ESYT1: variants seen among roughly 807,000 people sequenced by gnomAD.
ESYT1 encodes extended synaptotagmin 1, also known as extended synaptotagmin-1.
ESYT1 carries 116 observed loss-of-function variants against 154.2 expected under a neutral mutation model. The observed-to-expected ratio is 0.75, with a 90% CI of 0.65 to 0.88. ESYT1 has a LOEUF of 0.88. Ranked by LOEUF, ESYT1 falls within the 40% of genes least tolerant of loss-of-function variation. The probability of loss-of-function intolerance (pLI) is 0.00; values close to 1 mark genes in which losing one functional copy is unlikely to be tolerated. For missense variants in ESYT1, 1,264 were observed against 1,379.3 expected, an observed-to-expected ratio of 0.92 and a Z score of 1.32; for synonymous variants, 500 against 539.9, an observed-to-expected ratio of 0.93 and a Z score of 1.02.
chr12:56,138,615 A>T, intron 22 of ESYT1, 116 bp downstream of exon 22: 1 of 1,279,258 alleles, frequency 7.8e-7, no homozygotes, highest in Non-Finnish European at 1.1e-6. Context: ...TTCTGAGGGT[A>T]GTGCAGGGGT....
intron 16 of ESYT1, 42 bp from the exon 17 acceptor site, chr12:56,137,176 G>C (rs750511325): frequency 1.2e-6 from 2 of 1,611,040 alleles, no homozygotes; most frequent in South Asian, 1.1e-5. Flanking sequence ...TGCTGGTGAC[G>C]AGCTGCACTT....
chr12:56,128,919 A>G, intron 1 of ESYT1: 2 of 601,976 alleles, frequency 3.3e-6, no homozygotes, highest in Non-Finnish European at 5.8e-6. Flanking sequence ...TCGCATGCCC[A>G]GACTGGATCC....
Position 56,142,418 on chromosome 12 carries a change from A to G in ESYT1, c.2726A>G (p.Gln909Arg). The change falls in exon 25 of 31, where the codon CAG becomes CGG. Residue 909 changes from glutamine (Q) to arginine (R), a missense_variant. Physicochemically the swap from Gln to Arg is conservative, Grantham distance 43. Transcript: ENST00000394048. The surrounding 1 kb of genome is among the most constrained non-coding windows in gnomAD (Gnocchi z 4.1). ...CAGGGGCAGGTGCTACTGAGAGCAC[A>G]GCTAGGGGTGAGTGACAGGAGATGG... is the stretch of plus-strand genomic sequence containing the variant. The part of the protein sequence containing the change: ...SGQGQVLLRA[Q>R]LGILVSQHSG... 6.2e-7 allele frequency: 1 copy of G among 1,612,566 alleles called. No individual in the cohort carries two copies. Among genetic ancestry groups the G allele is most frequent in the Non-Finnish European group, 8.5e-7 (1 of 1,178,946 alleles).
Position 56,128,608 on chromosome 12 carries a change from GAGAA to G in ESYT1, c.294_297del (p.Lys98AsnfsTer24). 6.2e-7 allele frequency: 1 copy of G among 1,614,170 alleles called. No individual in the cohort carries two copies. Among genetic ancestry groups the G allele is most frequent in the Non-Finnish European group, 8.5e-7 (1 of 1,180,006 alleles). ...CCTGGGCTGGCGCCGGGTCCGCGAC[GAGAA>G]AGAACGGAGCCTTCGAGCAGCGAGG... On this transcript the variant is annotated frameshift_variant, in exon 1 of 31. Transcript: ENST00000394048. LOFTEE classifies it high-confidence loss of function.
rs768647640 is a variant in ESYT1 at position 56,142,242 on chromosome 12, G to A, written c.2593-43G>A. 2 of 1,606,956 alleles carry A rather than the reference G, an allele frequency of 1.2e-6. No homozygotes were observed. Among genetic ancestry groups the A allele is most frequent in the Non-Finnish European group, 1.7e-6 (2 of 1,175,268 alleles). ...TTAAAACACCAGGATTAACTCATTT[G>A]TTGATGCATTCGCCTCTTGATCATG... is the stretch of plus-strand genomic sequence containing the variant. On this transcript the variant is annotated intron_variant, in intron 24 of 30. Transcript: ENST00000394048. This position sits in a 1 kb window ranked among gnomAD's most constrained non-coding sequence, Gnocchi z 4.1.
chr12:56,140,521 G>A (rs375757536), intron 24 of ESYT1, among the ~76,000 whole-genome samples: 22 of 151,982 alleles, frequency 1.4e-4, no homozygotes, highest in African/African-American at 4.3e-4. Flanking sequence ...CCGCCACCAC[G>A]CCCAGCTAAT....
chr12:56,134,599 A>AT (rs1194548260), intron 15 of ESYT1, among the ~76,000 whole-genome samples, 171 bp downstream of exon 15: 2 of 150,360 alleles, frequency 1.3e-5, no homozygotes, highest in African/African-American at 4.9e-5. Context: ...CTCCAGAATA[A>AT]TATTTTTTTT....
At chr12:56,136,934 C>T in intron 16 of ESYT1, 41 bp downstream of exon 16, 1 of 1,539,314 alleles carries the variant, frequency 6.5e-7, no homozygotes, top group Non-Finnish European at 8.8e-7. Flanking sequence ...GGGGAAAGGC[C>T]TGTTGATTCT....
Position 56,133,584 on chromosome 12 carries a change from C to T in ESYT1, c.1294-4C>T, listed in dbSNP as rs1289322937. ...GATCTCTACTACATCTCAATTTCTTCTAGTGGTTCCCTCTACAAGGTGGGC... is the reference window on the plus strand; with the variant it reads ...GATCTCTACTACATCTCAATTTCTTTTAGTGGTTCCCTCTACAAGGTGGGC... On this transcript the variant is annotated splice_region_variant and splice_polypyrimidine_tract_variant and intron_variant, in intron 11 of 30. Transcript: ENST00000394048. 6.2e-7 allele frequency: 1 copy of T among 1,614,044 alleles called. No individual in the cohort carries two copies. The highest frequency in any genetic ancestry group is 8.5e-7 in the Non-Finnish European group (1 of 1,179,984).
intron 24 of ESYT1, 69 bp downstream of exon 24, chr12:56,139,082 A>T: frequency 8.6e-7 from 1 of 1,166,198 alleles, no homozygotes; most frequent in Non-Finnish European, 1.3e-6. Flanking sequence ...CCAGGCACAG[A>T]GCATTCAGAG....
At chr12:56,130,402 G>C in intron 1 of ESYT1, 180 bp from the exon 2 acceptor site, 3 of 691,264 alleles carry the variant, frequency 4.3e-6, no homozygotes, top group Non-Finnish European at 7.8e-6. Flanking sequence ...TTATTAGAGA[G>C]ACATCAGCCC....
At position 56,138,685 on chromosome 12, in the gene ESYT1, G is replaced by A. The variant is rs1475739153; in HGVS notation, c.2434-83G>A. The A allele has an allele frequency of 4.2e-6, 6 of 1,417,974 alleles. No individual in the cohort carries two copies. The East Asian group carries it at 1.1e-4, about 27-fold the overall frequency. 87.8% of individuals were successfully genotyped at this position (1,417,974 alleles called of 1,614,324 possible). A position where few individuals can be genotyped will look rare whatever the true frequency, so the allele number is the denominator to read the frequency against. On this transcript the variant is annotated intron_variant, in intron 22 of 30. Transcript: ENST00000394048. ...GCTGCCAAGTAATAATGGAGACATG[G>A]CTGCTGGCTGTGGATATAATTTGTG...
chr12:56,130,391 C>T, intron 1 of ESYT1, 191 bp from the exon 2 acceptor site: 1 of 666,364 alleles, frequency 1.5e-6, no homozygotes, highest in Non-Finnish European at 2.7e-6. Flanking sequence ...GTCAGCTCCC[C>T]TTATTAGAGA....
chr12:56,131,717 G>T (rs775886179), intron 6 of ESYT1, 32 bp from the exon 7 acceptor site: 1 of 1,613,696 alleles, frequency 6.2e-7, no homozygotes, highest in Non-Finnish European at 8.5e-7. Context: ...CACCCCATAG[G>T]ATCTGTCCTG....
chr12:56,140,426 T>TA (rs1852557350), intron 24 of ESYT1, among the ~76,000 whole-genome samples: 1 of 152,102 alleles, frequency 6.6e-6, no homozygotes, highest in South Asian at 2.1e-4. Context: ...AGTACAGTGA[T>TA]ACGATCTCAG....
intron 13 of ESYT1, 71 bp downstream of exon 13, chr12:56,133,944 T>A: frequency 6.4e-7 from 1 of 1,552,924 alleles, no homozygotes. Context: ...AGGATGCAAA[T>A]GTCCCTGCCT....
intron 24 of ESYT1, among the ~76,000 whole-genome samples, chr12:56,140,372 T>A (rs768585053): frequency 7.9e-5 from 12 of 151,932 alleles, no homozygotes; most frequent in Admixed American, 4.6e-4. Context: ...TTATTTTATT[T>A]ATTATTTTTT....
At chr12:56,138,616 GT>G in intron 22 of ESYT1, 117 bp downstream of exon 22, 1 of 1,288,798 alleles carries the variant, frequency 7.8e-7, no homozygotes, top group Non-Finnish European at 1.1e-6. Flanking sequence ...TCTGAGGGTA[GT>G]GCAGGGGTGG....
In ESYT1 at chr12:56,132,241, T is replaced by C; in HGVS notation, c.893T>C (p.Ile298Thr). 1.9e-6 allele frequency: 3 copies of C among 1,614,160 alleles called. No homozygotes were observed. The highest frequency in any genetic ancestry group is 2.5e-6 in the Non-Finnish European group (3 of 1,180,014). ...TCTGACACCATGATCATGGACTCCA[T>C]TGCTGCCTTCCTCGTGTTGCCCAAC... ...SLSDTMIMDS[I>T]AAFLVLPNRL... Residue 298 changes from isoleucine to threonine, a missense_variant, in exon 8 of 31, where the codon ATT becomes ACT. Coordinates refer to ENST00000394048, the MANE Select transcript of ESYT1 (RefSeq NM_015292.3).
Sources: allele counts gnomAD v4.1 joint callset (sites outside exome capture counted in the v4.1 genomes callset), GRCh38; gene constraint gnomAD v4.1.1; non-coding constraint Gnocchi (gnomAD v3.1); transcripts MANE v1.5; gene names NCBI Gene and HGNC (gene_info 2026-07-23, HGNC 2026-07-21).